The following PZP variants were observed in gnomAD, a reference collection of about 807,000 sequenced individuals.
PZP encodes the protein pregnancy zone protein.
PZP carries 150 observed loss-of-function variants against 179.8 expected under a neutral mutation model. That is an observed-to-expected ratio of 0.83 (90% CI 0.73 to 0.96). The LOEUF (loss-of-function observed/expected upper bound fraction) is 0.96. Among genes scored for constraint, PZP ranks in the 40% least tolerant of loss-of-function variants. The pLI, the probability that PZP is intolerant of heterozygous loss-of-function variation, is 0.00. For missense variants in PZP, 1,689 were observed against 1,764.0 expected, an observed-to-expected ratio of 0.96 and a Z score of 0.76; for synonymous variants, 624 against 652.3, an observed-to-expected ratio of 0.96 and a Z score of 0.66.
At chr12:9,205,101 AC>A (rs1414540425) in intron 1 of PZP, among the ~76,000 whole-genome samples, 3 of 152,168 alleles carry the variant, frequency 2.0e-5, no homozygotes, top group Admixed American at 2.0e-4. Flanking sequence ...TCAAAAAAAA[AC>A]AAAACAAAGT....
chr12:9,160,837 C>A (rs1404675241), intron 23 of PZP, among the ~76,000 whole-genome samples, 196 bp downstream of exon 23: 6 of 151,910 alleles, frequency 3.9e-5, no homozygotes, highest in African/African-American at 1.5e-4. Context: ...ATGGCGTGAA[C>A]CCAGGAGGCG....
chr12:9,148,914 C>A lies in PZP; in HGVS notation c.*58G>T, dbSNP rs769775723. 7.6e-6 allele frequency: 11 copies of A among 1,444,932 alleles called. No homozygotes were observed. The South Asian group carries it at 1.3e-4, about 17-fold the overall frequency. 89.5% of individuals were successfully genotyped at this position (1,444,932 alleles called of 1,614,324 possible). ...TTTTATAGAGACAAATAACTCCATT[C>A]CTTCTAAGTAAATGTATAGGACAGA... On this transcript the variant is annotated 3_prime_UTR_variant, in exon 36 of 36. Coordinates refer to ENST00000261336, the MANE Select transcript of PZP (RefSeq NM_002864.3).
At position 9,148,900 on chromosome 12, in the gene PZP, CAAAT is replaced by C. The variant is rs1940150703; in HGVS notation, c.*68_*71del. 3.0e-6 allele frequency: 4 copies of C among 1,347,930 alleles called. No individual in the cohort carries two copies. The highest frequency in any genetic ancestry group is 4.2e-6 in the Non-Finnish European group (4 of 951,842). 83.5% of individuals were successfully genotyped at this position (1,347,930 alleles called of 1,614,324 possible). ...ATTTTTAGTGTCTATTTTATAGAGA[CAAAT>C]AACTCCATTCCTTCTAAGTAAATGT... On this transcript the variant is annotated 3_prime_UTR_variant, in exon 36 of 36. Coordinates refer to ENST00000261336, the MANE Select transcript of PZP (RefSeq NM_002864.3).
At position 9,202,362 on chromosome 12, in the gene PZP, C is replaced by T. The variant is rs377706010; in HGVS notation, c.437G>A (p.Arg146His). 8.7e-5 allele frequency: 140 copies of T among 1,613,994 alleles called. No homozygotes were observed. The highest frequency in any genetic ancestry group is 1.1e-4 in the Non-Finnish European group (125 of 1,180,026). Reference sequence around the variant, plus strand: ...AAAATTTTCATCCACGGAGACAACACGGAATCTTACTGGAAAAGTAGTTCT... The same window carrying T: ...AAAATTTTCATCCACGGAGACAACATGGAATCTTACTGGAAAAGTAGTTCT... The part of the protein sequence containing the change: ...MYKPGQTVRF[R>H]VVSVDENFRP... Residue 146 changes from arginine (R) to histidine (H), a missense_variant, in exon 4 of 36, where the codon CGT becomes CAT. Coordinates refer to ENST00000261336, the MANE Select transcript of PZP (RefSeq NM_002864.3).
intron 22 of PZP, among the ~76,000 whole-genome samples, chr12:9,161,672 A>G (rs1259390701): frequency 6.6e-6 from 1 of 152,230 alleles, no homozygotes; most frequent in African/African-American, 2.4e-5. Flanking sequence ...TCCCATGTTT[A>G]TAAATAGATA....
At chr12:9,139,278 G>T in the PZP span, among the ~76,000 whole-genome samples, 14 of 151,716 alleles carry the variant, frequency 9.2e-5, no homozygotes, top group Non-Finnish European at 2.1e-4. Flanking sequence ...TTTTGTTGTG[G>T]CCAGAAAGAC....
chr12:9,178,480 A>G (rs1363856438), intron 15 of PZP, among the ~76,000 whole-genome samples: 2 of 152,210 alleles, frequency 1.3e-5, no homozygotes, highest in East Asian at 3.8e-4. Flanking sequence ...GAGAAGCCGT[A>G]AAGTGCTTCC....
At chr12:9,138,577 A>G in the PZP span, among the ~76,000 whole-genome samples, 1 of 151,888 alleles carries the variant, frequency 6.6e-6, no homozygotes, top group Admixed American at 6.6e-5. Context: ...ACTGATTGGC[A>G]CTTTTTTAAA....
intron 33 of PZP, 104 bp downstream of exon 33, chr12:9,151,500 A>C (rs1415892529): frequency 4.9e-5 from 43 of 872,158 alleles, no homozygotes; most frequent in Non-Finnish European, 5.9e-5. Context: ...CTGGAAGGGC[A>C]TTACTAATGA....
rs949590861 is a variant in PZP, at chr12:9,194,219, T to C, written c.1112A>G (p.Lys371Arg). 3 of 1,613,828 alleles carry C rather than the reference T, an allele frequency of 1.9e-6. No individual in the cohort carries two copies. The highest frequency in any genetic ancestry group is 2.7e-5 in the African/African-American group (2 of 74,906). Residue 371 changes from lysine to arginine, a missense_variant, in exon 11 of 36, where the codon AAA becomes AGA. Around this residue, in one of 3 missense-constraint regions of PZP, gnomAD observed 742 missense variants for 730.5 expected, o/e 1.02. Coordinates refer to ENST00000261336, the MANE Select transcript of PZP (RefSeq NM_002864.3). The stretch of plus-strand genomic sequence containing the variant: ...GAGTTTATTGGGGATGGGCACACCT[T>C]TTCCATCCACCAGAAGCACCTAAAG... Reference protein sequence around the residue: ...FFAQVLLVDGKGVPIPNKLFF... With the variant: ...FFAQVLLVDGRGVPIPNKLFF...
chr12:9,164,762 A>C (rs1941466653), intron 19 of PZP, among the ~76,000 whole-genome samples: 1 of 152,244 alleles, frequency 6.6e-6, no homozygotes, highest in African/African-American at 2.4e-5. Context: ...GCTATAAGAT[A>C]AATTAAAATT....
intron 1 of PZP, among the ~76,000 whole-genome samples, chr12:9,205,213 T>G (rs1944388021): frequency 6.6e-6 from 1 of 152,210 alleles, no homozygotes; most frequent in Non-Finnish European, 1.5e-5. Flanking sequence ...CAATTTTTTG[T>G]GTAAGCCTCA....
At chr12:9,157,464 G>T in intron 27 of PZP, 109 bp from the exon 28 acceptor site, 1 of 1,026,938 alleles carries the variant, frequency 9.7e-7, no homozygotes, top group Non-Finnish European at 1.4e-6. Flanking sequence ...AGACAGATAG[G>T]CAGACAGCTA....
chr12:9,205,067 A>C (rs1331281798), intron 1 of PZP, among the ~76,000 whole-genome samples: 1 of 152,176 alleles, frequency 6.6e-6, no homozygotes, highest in East Asian at 1.9e-4. Context: ...CAGTGCTTTC[A>C]GAGTGACAGA....
chr12:9,175,443 A>G (rs2120890902), intron 15 of PZP, among the ~76,000 whole-genome samples: 1 of 152,352 alleles, frequency 6.6e-6, no homozygotes. Flanking sequence ...AACTGCAACA[A>G]AAGCAAAAAT....
intron 13 of PZP, among the ~76,000 whole-genome samples, chr12:9,189,819 A>G (rs1397710051): frequency 6.6e-6 from 1 of 152,228 alleles, no homozygotes; most frequent in Non-Finnish European, 1.5e-5. Context: ...ACCACATTAA[A>G]AAGTGGGCAA....
chr12:9,188,830 A>C (rs1423141877), intron 13 of PZP, among the ~76,000 whole-genome samples: 1 of 152,230 alleles, frequency 6.6e-6, no homozygotes, highest in Non-Finnish European at 1.5e-5. Context: ...GGGAGGTGAA[A>C]GATCTATACA....
intron 15 of PZP, among the ~76,000 whole-genome samples, chr12:9,177,032 G>A (rs1942414199): frequency 6.6e-6 from 1 of 152,180 alleles, no homozygotes; most frequent in African/African-American, 2.4e-5. Context: ...AATTGCTGGG[G>A]ATCAGAGGTC....
chr12:9,189,008 A>C (rs1943295655), intron 13 of PZP, among the ~76,000 whole-genome samples: 1 of 152,230 alleles, frequency 6.6e-6, no homozygotes, highest in Non-Finnish European at 1.5e-5. Context: ...AGATGATGCA[A>C]ATGGAAAAAA....
Sources: allele counts gnomAD v4.1 joint callset (sites outside exome capture counted in the v4.1 genomes callset), GRCh38; gene constraint gnomAD v4.1.1; regional missense constraint gnomAD v4.1.1; transcripts MANE v1.5; gene names NCBI Gene and HGNC (gene_info 2026-07-23, HGNC 2026-07-21).